The following THEMIS variants were observed in gnomAD, a reference collection of about 807,000 sequenced individuals.
THEMIS encodes protein THEMIS.
Under a neutral mutation model 52.6 loss-of-function variants are expected in THEMIS, and 37 were observed. The ratio of observed to expected loss-of-function variants is 0.70; its 90% CI spans 0.54 to 0.93. The LOEUF (loss-of-function observed/expected upper bound fraction) is 0.93. THEMIS is among the 40% of genes least tolerant of loss of function. The pLI is 0.00. For missense variants in THEMIS, 808 were observed against 763.1 expected (o/e 1.06, Z -0.69); for synonymous variants, 292 against 272.7 (o/e 1.07, Z -0.70).
intron 4 of THEMIS, among the ~76,000 whole-genome samples, chr6:127,793,964 T>C (rs1012612863): frequency 5.7e-4 from 86 of 152,180 alleles, no homozygotes; most frequent in African/African-American, 2.1e-3. Context: ...GATTAAACTT[T>C]CAACATTTTC....
Position 127,829,483 on chromosome 6 carries a change from C to T in THEMIS, c.702G>A (p.Val234=). The part of the protein sequence containing the change: ...ILKPVYEIQG[V]MKFRKDIIRI... The stretch of plus-strand genomic sequence containing the variant: ...TTCTCAGTGGATACTCACATTTCAT[C>T]ACACCTTGAATTTCATAAACAGGCT... The change falls in exon 3 of 6, where the codon GTG becomes GTA. Residue 234 remains valine, a synonymous_variant. Coordinates refer to ENST00000368248, the MANE Select transcript of THEMIS (RefSeq NM_001010923.3). The T allele has an allele frequency of 6.3e-7, 1 of 1,599,334 alleles. No homozygotes were observed. The highest frequency in any genetic ancestry group is 1.1e-5 in the South Asian group (1 of 87,986).
chr6:127,747,341 G>C (rs1306547706), intron 4 of THEMIS, among the ~76,000 whole-genome samples: 2 of 141,814 alleles, frequency 1.4e-5, no homozygotes, highest in Non-Finnish European at 3.0e-5. Flanking sequence ...ATAATATATA[G>C]ATACAATTAT....
chr6:127,769,001 A>T (rs961799764), intron 4 of THEMIS, among the ~76,000 whole-genome samples: 1 of 152,200 alleles, frequency 6.6e-6, no homozygotes. Flanking sequence ...AGTGTTTCAA[A>T]CACATCACCA....
At chr6:127,770,359 T>C (rs934237358) in intron 4 of THEMIS, among the ~76,000 whole-genome samples, 1 of 152,238 alleles carries the variant, frequency 6.6e-6, no homozygotes, top group African/African-American at 2.4e-5. Context: ...TGATTTGCAT[T>C]TTTCTAATGG....
In THEMIS at chr6:127,794,520, G is replaced by T. The variant is rs9491874; in HGVS notation, c.1758+18363C>A. Among the ~76,000 whole-genome samples the T allele has an allele frequency of 1.5e-3, 229 of 152,210 alleles. 1 individual carries two copies. Among genetic ancestry groups the T allele is most frequent in the African/African-American group, 4.9e-3 (204 of 41,512 alleles). On this transcript the variant is annotated intron_variant, in intron 4 of 5. Coordinates refer to ENST00000368248, the MANE Select transcript of THEMIS (RefSeq NM_001010923.3). The stretch of plus-strand genomic sequence containing the variant: ...TTGAATCATTTTTATTTAATACAGG[G>T]TCTTAGTATGTTGTCCATGCTGGTC...
intron 1 of THEMIS, among the ~76,000 whole-genome samples, chr6:127,888,863 C>T (rs572267250): frequency 4.3e-4 from 66 of 152,108 alleles, no homozygotes; most frequent in African/African-American, 1.6e-3. Context: ...AGCATTATTA[C>T]CCAAGTAACT....
At chr6:127,904,723 C>A (rs1202425018), upstream of THEMIS, among the ~76,000 whole-genome samples, 4 of 151,844 alleles carry the variant, frequency 2.6e-5, no homozygotes. Flanking sequence ...AATTATTAGT[C>A]CTGCAATTTA....
At chr6:127,730,202 G>C (rs1774717014) in intron 4 of THEMIS, among the ~76,000 whole-genome samples, 2 of 151,596 alleles carry the variant, frequency 1.3e-5, no homozygotes, top group African/African-American at 4.8e-5. Context: ...AGGAGTTCAA[G>C]GCTGTAGTGA....
intron 2 of THEMIS, among the ~76,000 whole-genome samples, chr6:127,851,851 G>A (rs1344987810): frequency 1.3e-5 from 2 of 151,654 alleles, no homozygotes; most frequent in Non-Finnish European, 3.0e-5. Context: ...TTTACCCAAA[G>A]GAGTTGAAAA....
At chr6:127,847,736 T>C (rs1779266982) in intron 2 of THEMIS, among the ~76,000 whole-genome samples, 1 of 151,718 alleles carries the variant, frequency 6.6e-6, no homozygotes, top group Admixed American at 6.6e-5. Flanking sequence ...AATCTACGGA[T>C]TCAATGCAAT....
At chr6:127,797,056 T>G (rs1040103179) in intron 4 of THEMIS, among the ~76,000 whole-genome samples, 1 of 152,194 alleles carries the variant, frequency 6.6e-6, no homozygotes, top group Admixed American at 6.5e-5. Flanking sequence ...TTAATCCCAC[T>G]TGAGTTTTTT....
chr6:127,804,731 C>G (rs1403984685), intron 4 of THEMIS, among the ~76,000 whole-genome samples: 1 of 152,058 alleles, frequency 6.6e-6, no homozygotes, highest in Non-Finnish European at 1.5e-5. Context: ...TGGTTCTCAG[C>G]CTTGGATAAC....
chr6:127,791,797 TA>T (rs1403845682), intron 4 of THEMIS, among the ~76,000 whole-genome samples: 1 of 152,104 alleles, frequency 6.6e-6, no homozygotes, highest in African/African-American at 2.4e-5. Flanking sequence ...GCTGAGGTGA[TA>T]GGGGGCTGGT....
chr6:127,770,411 T>C (rs1015986417), intron 4 of THEMIS, among the ~76,000 whole-genome samples: 1 of 152,256 alleles, frequency 6.6e-6, no homozygotes, highest in Non-Finnish European at 1.5e-5. Context: ...TTTGGTTGCA[T>C]AAATGTCTTC....
intron 4 of THEMIS, among the ~76,000 whole-genome samples, chr6:127,721,766 A>G (rs765744738): frequency 1.6e-4 from 25 of 152,022 alleles, no homozygotes; most frequent in Non-Finnish European, 1.6e-4. Context: ...ATTCTGAATT[A>G]CATACCTTTG....
chr6:127,745,475 A>G (rs1271000670), intron 4 of THEMIS, among the ~76,000 whole-genome samples: 3 of 151,908 alleles, frequency 2.0e-5, no homozygotes, highest in East Asian at 1.9e-4. Flanking sequence ...AGCAAATAAC[A>G]GTATGGATAT....
chr6:127,817,344 A>T (rs1339695995), intron 3 of THEMIS, among the ~76,000 whole-genome samples: 1 of 152,164 alleles, frequency 6.6e-6, no homozygotes, highest in Non-Finnish European at 1.5e-5. Flanking sequence ...TGGAAAAAAA[A>T]GTTTTCTATG....
At chr6:127,845,568 T>C (rs569807848) in intron 2 of THEMIS, among the ~76,000 whole-genome samples, 2 of 151,614 alleles carry the variant, frequency 1.3e-5, no homozygotes, top group East Asian at 3.9e-4. Flanking sequence ...CAGTAAGAGG[T>C]TGAAGTATCT....
Position 127,719,747 on chromosome 6 carries a change from T to C in THEMIS, c.1835A>G (p.Gln612Arg). 6.2e-7 allele frequency: 1 copy of C among 1,612,520 alleles called. No homozygotes were observed. Among genetic ancestry groups the C allele is most frequent in the Non-Finnish European group, 8.5e-7 (1 of 1,179,030 alleles). Residue 612 changes from glutamine (Q) to arginine (R), a missense_variant, in exon 5 of 6, where the codon CAG becomes CGG. Gln to Arg is a conservative substitution (Grantham distance 43, BLOSUM62 1). Transcript: ENST00000368248. ...GLDSKVLIGS[Q>R]NDLVDEEKER... Reference sequence around the variant, plus strand: ...TTTCTCTTCATCCACCAAATCATTCTGACTACCAATCAGTACTTTTGAATC... The same window carrying C: ...TTTCTCTTCATCCACCAAATCATTCCGACTACCAATCAGTACTTTTGAATC...
Sources: gnomAD v4.1 joint callset for allele counts (sites outside exome capture counted in the v4.1 genomes callset) on GRCh38, gnomAD v4.1.1 for gene constraint, MANE v1.5 for transcripts, NCBI Gene and HGNC (gene_info 2026-07-23, HGNC 2026-07-21) for gene names.